Variants in SV2C observed in about 807,000 individuals in gnomAD.
SV2C encodes synaptic vesicle glycoprotein 2C.
A neutral mutation model predicts 79.7 loss-of-function variants in SV2C; 49 were observed. The observed-to-expected ratio is 0.61, with a 90% CI of 0.49 to 0.78. The LOEUF (loss-of-function observed/expected upper bound fraction) is 0.78, where lower values mean the gene tolerates loss of function less well. Ranked by LOEUF, SV2C falls within the 30% of genes least tolerant of loss-of-function variation. The pLI is 0.00. For synonymous variants in SV2C, 334 were observed against 333.2 expected, an observed-to-expected ratio of 1.00 and a Z score of -0.03; for missense variants, 833 against 912.9, an observed-to-expected ratio of 0.91 and a Z score of 1.13.
the SV2C span, among the ~76,000 whole-genome samples, chr5:76,042,891 C>T: frequency 6.6e-6 from 1 of 152,310 alleles, no homozygotes. Flanking sequence ...TGATCCCATA[C>T]TCTATAGCAA....
the SV2C span, among the ~76,000 whole-genome samples, chr5:75,952,047 C>G: frequency 6.6e-6 from 1 of 151,712 alleles, no homozygotes. Context: ...GCAGGTAGCC[C>G]AAAGAACTTA....
At chr5:76,314,878 G>A (rs930669599) in intron 12 of SV2C, among the ~76,000 whole-genome samples, 6 of 152,186 alleles carry the variant, frequency 3.9e-5, no homozygotes, top group African/African-American at 9.7e-5. Context: ...TGAACTCCAA[G>A]GGGTGCTCAG....
At chr5:76,097,721 A>G (rs1747609855) in intron 1 of SV2C, among the ~76,000 whole-genome samples, 1 of 152,190 alleles carries the variant, frequency 6.6e-6, no homozygotes, top group Non-Finnish European at 1.5e-5. Context: ...TAAATCCTCT[A>G]TATTTTAGCA....
intron 12 of SV2C, among the ~76,000 whole-genome samples, chr5:76,324,241 T>A (rs2112564413): frequency 6.6e-6 from 1 of 152,290 alleles, no homozygotes; most frequent in Non-Finnish European, 1.5e-5. Flanking sequence ...ATTACAGGTG[T>A]AAGACACCCT....
chr5:75,905,179 G>A, the SV2C span, among the ~76,000 whole-genome samples: 1 of 152,144 alleles, frequency 6.6e-6, no homozygotes, highest in African/African-American at 2.4e-5. Context: ...GTGATGCTGA[G>A]TTTTGTTACT....
chr5:75,897,136 C>G, the SV2C span, among the ~76,000 whole-genome samples: 6 of 149,862 alleles, frequency 4.0e-5, no homozygotes, highest in East Asian at 1.9e-4. Context: ...GACATGAAGT[C>G]CTTGCCCATG....
chr5:76,125,404 G>A (rs185049081), intron 1 of SV2C, among the ~76,000 whole-genome samples: 8 of 152,110 alleles, frequency 5.3e-5, no homozygotes, highest in South Asian at 2.1e-4. Flanking sequence ...TTATAATAGA[G>A]ACATTAGAAT....
intron 8 of SV2C, 36 bp from the exon 9 acceptor site, chr5:76,295,742 G>C: frequency 1.3e-6 from 2 of 1,590,304 alleles, no homozygotes; most frequent in South Asian, 1.1e-5. Flanking sequence ...TGGCATGCTA[G>C]TGCCTTTACA....
intron 4 of SV2C, among the ~76,000 whole-genome samples, chr5:76,217,248 A>T (rs540110893): frequency 6.6e-6 from 1 of 152,178 alleles, no homozygotes; most frequent in Admixed American, 6.5e-5. Context: ...TTAAAAATAC[A>T]TATATTCCCA....
At chr5:76,143,152 C>T (rs1457984842) in intron 2 of SV2C, among the ~76,000 whole-genome samples, 1 of 152,084 alleles carries the variant, frequency 6.6e-6, no homozygotes, top group Non-Finnish European at 1.5e-5. Context: ...CCTTGGCCTC[C>T]CAAAGTGCTG....
the SV2C span, among the ~76,000 whole-genome samples, chr5:75,998,262 A>T: frequency 6.6e-6 from 1 of 152,134 alleles, no homozygotes; most frequent in African/African-American, 2.4e-5. Flanking sequence ...TAATGGGTGT[A>T]GCATACCAAC....
intron 2 of SV2C, among the ~76,000 whole-genome samples, chr5:76,132,758 T>C (rs116260870): frequency 1.7e-3 from 254 of 152,268 alleles, no homozygotes; most frequent in Non-Finnish European, 2.0e-3. Flanking sequence ...ACAATTGTGA[T>C]TTCAAATGTC....
At chr5:75,879,683 G>T in the SV2C span, among the ~76,000 whole-genome samples, 18,952 of 152,198 alleles carry the variant, frequency 0.12, 1,388 homozygotes, top group African/African-American at 0.22. Context: ...CAGGATGCAA[G>T]CTGCCAGTGG....
chr5:75,897,778 C>T, the SV2C span, among the ~76,000 whole-genome samples: 1 of 151,800 alleles, frequency 6.6e-6, no homozygotes, highest in African/African-American at 2.4e-5. Flanking sequence ...TGAAGAGGTC[C>T]TTCACGTCCC....
chr5:76,144,862 G>C (rs1487448157), intron 2 of SV2C, among the ~76,000 whole-genome samples: 1 of 151,922 alleles, frequency 6.6e-6, no homozygotes, highest in Non-Finnish European at 1.5e-5. Flanking sequence ...CAAATCATGT[G>C]TCTAATTAAC....
At chr5:76,257,420 G>GTTCCTACT (rs1554043501) in intron 4 of SV2C, among the ~76,000 whole-genome samples, 1 of 151,540 alleles carries the variant, frequency 6.6e-6, no homozygotes, top group Admixed American at 6.6e-5. Flanking sequence ...GGTATGGTTT[G>GTTCCTACT]TGTGTGGGTA....
chr5:76,342,593 G>A (rs1749464187), intron 12 of SV2C, among the ~76,000 whole-genome samples: 1 of 152,208 alleles, frequency 6.6e-6, no homozygotes, highest in Non-Finnish European at 1.5e-5. Flanking sequence ...GCTGGTAAAG[G>A]TGGAGCAGCA....
At chr5:76,189,836 C>T (rs1173108264) in intron 2 of SV2C, among the ~76,000 whole-genome samples, 1 of 152,074 alleles carries the variant, frequency 6.6e-6, no homozygotes, top group East Asian at 1.9e-4. Context: ...TTGTATTGCT[C>T]ACATTGCAAT....
the SV2C span, among the ~76,000 whole-genome samples, chr5:76,014,885 C>G: frequency 6.6e-6 from 1 of 152,122 alleles, no homozygotes; most frequent in African/African-American, 2.4e-5. Context: ...CATAAAGTAA[C>G]AGAGAAACCA....
Sources: gnomAD v4.1 joint callset for allele counts (sites outside exome capture counted in the v4.1 genomes callset) on GRCh38, gnomAD v4.1.1 for gene constraint, MANE v1.5 for transcripts, NCBI Gene and HGNC (gene_info 2026-07-23, HGNC 2026-07-21) for gene names.